PDE11A: variants seen among roughly 807,000 people sequenced by gnomAD.
PDE11A encodes phosphodiesterase 11A.
In PDE11A, 100 loss-of-function variants were observed where a neutral mutation model predicts 100.5. The ratio of observed to expected loss-of-function variants is 1.00; its 90% CI spans 0.85 to 1.18. The LOEUF is 1.18. PDE11A is among the 50% of genes most tolerant of loss of function. The pLI is 0.00. For missense variants in PDE11A, 1,141 were observed against 1,152.6 expected, an observed-to-expected ratio of 0.99 and a Z score of 0.15; for synonymous variants, 381 against 420.8, an observed-to-expected ratio of 0.91 and a Z score of 1.16.
chr2:177,707,566 T>G (rs1300440405), intron 13 of PDE11A, among the ~76,000 whole-genome samples: 1 of 152,230 alleles, frequency 6.6e-6, no homozygotes, highest in Non-Finnish European at 1.5e-5. Context: ...CTTTGTAGAC[T>G]GGTTTTCTTG....
intron 1 of PDE11A, among the ~76,000 whole-genome samples, chr2:178,066,779 G>A (rs531432327): frequency 5.3e-5 from 8 of 152,144 alleles, no homozygotes; most frequent in East Asian, 1.9e-4. Context: ...GCAATTCAGC[G>A]GGGGCCCCTT....
chr2:178,072,850 G>C (rs1391631198), upstream of PDE11A: 1 of 1,160,700 alleles, frequency 8.6e-7, no homozygotes, highest in Non-Finnish European at 1.1e-6. Context: ...CCTGGAGGGA[G>C]GAGAGAAGAG....
At chr2:177,870,812 G>A (rs78003658) in intron 5 of PDE11A, among the ~76,000 whole-genome samples, 2 of 152,156 alleles carry the variant, frequency 1.3e-5, no homozygotes, top group African/African-American at 4.8e-5. Context: ...CTCAAAAATA[G>A]TGTCATGTTG....
rs2080751666 is a variant in PDE11A at position 177,675,267 on chromosome 2, A to AG, written c.2487+187_2487+188insC. ...ATTGCTTAGTGAAAGCACGATAAAA[A>AG]AAAAAAAAAAGGGCTGTGCAATAAA... On this transcript the variant is annotated intron_variant, in intron 17 of 19. Coordinates refer to ENST00000286063, the MANE Select transcript of PDE11A (RefSeq NM_016953.4). Among the ~76,000 whole-genome samples, 3 of 151,822 alleles carry AG rather than the reference A, an allele frequency of 2.0e-5. 1 individual carries two copies. Among genetic ancestry groups the AG allele is most frequent in the Admixed American group, 2.0e-4 (3 of 15,232 alleles).
intron 2 of PDE11A, among the ~76,000 whole-genome samples, chr2:178,097,575 A>G (rs1407449920): frequency 6.6e-6 from 1 of 152,186 alleles, no homozygotes; most frequent in Non-Finnish European, 1.5e-5. Flanking sequence ...TATGGGGATT[A>G]TAATTTGAGA....
chr2:178,076,666 T>C (rs2087211140), upstream of PDE11A, among the ~76,000 whole-genome samples: 1 of 152,256 alleles, frequency 6.6e-6, no homozygotes, highest in Non-Finnish European at 1.5e-5. Flanking sequence ...CTGACTTTTA[T>C]TGTGTGACCA....
At position 177,625,072 on chromosome 2, in the gene PDE11A, A is replaced by T. The variant is rs2079813304; in HGVS notation, c.*4335T>A. 6.5e-6 allele frequency: 1 copy of T among 152,672 alleles called. No homozygotes were observed. Among genetic ancestry groups the T allele is most frequent in the African/African-American group, 2.4e-5 (1 of 41,440 alleles). 9.5% of individuals were successfully genotyped at this position (152,672 alleles called of 1,614,324 possible). ...GTGACAGAGCAAGACCCTGTCTCAAAAAAAGGACATATCTTTTTTTAAATT... is the reference window on the plus strand; with the variant it reads ...GTGACAGAGCAAGACCCTGTCTCAATAAAAGGACATATCTTTTTTTAAATT... On this transcript the variant is annotated 3_prime_UTR_variant, in exon 20 of 20. Coordinates refer to ENST00000286063, the MANE Select transcript of PDE11A (RefSeq NM_016953.4).
chr2:177,888,686 T>C (rs2084480142), intron 4 of PDE11A: 2 of 977,080 alleles, frequency 2.0e-6, no homozygotes, highest in Non-Finnish European at 2.4e-6. Context: ...AGTTCAGTTC[T>C]CAGGATTGTA....
intron 12 of PDE11A, among the ~76,000 whole-genome samples, chr2:177,714,605 A>G (rs555412655): frequency 6.6e-6 from 1 of 152,246 alleles, no homozygotes; most frequent in South Asian, 2.1e-4. Context: ...GCAGCGGGTG[A>G]GTTTATGGTC....
intron 9 of PDE11A, among the ~76,000 whole-genome samples, chr2:177,815,500 C>T (rs1467810053): frequency 1.3e-5 from 2 of 152,096 alleles, no homozygotes; most frequent in Non-Finnish European, 2.9e-5. Flanking sequence ...ATAAACGAAG[C>T]AGGGCTGTCT....
intron 10 of PDE11A, among the ~76,000 whole-genome samples, chr2:177,756,477 T>C (rs540817932): frequency 6.6e-6 from 1 of 152,042 alleles, no homozygotes; most frequent in East Asian, 1.9e-4. Flanking sequence ...AGGGGAAGAG[T>C]AAAAAGTGGT....
chr2:177,939,373 AAGGG>A (rs201889323), intron 2 of PDE11A, among the ~76,000 whole-genome samples: 3 of 139,012 alleles, frequency 2.2e-5, no homozygotes, highest in African/African-American at 8.0e-5. Flanking sequence ...GAGAGTGAGG[AAGGG>A]AGGAAGGAAG....
chr2:177,744,184 T>G (rs1329789511), intron 10 of PDE11A, among the ~76,000 whole-genome samples: 2 of 151,972 alleles, frequency 1.3e-5, no homozygotes, highest in African/African-American at 4.8e-5. Flanking sequence ...GGGAAGGGAA[T>G]AAAGGGATGT....
rs111708910 is a variant in PDE11A at position 177,820,290 on chromosome 2, G to C, written c.1506C>G (p.Asp502Glu). The C allele has an allele frequency of 1.9e-6, 3 of 1,560,688 alleles. No homozygotes were observed. Among genetic ancestry groups the C allele is most frequent in the East Asian group, 2.2e-5 (1 of 44,504 alleles). Reference protein sequence around the residue: ...YQDPRFDAEADQISGFHIRSV... With the variant: ...YQDPRFDAEAEQISGFHIRSV... ...ATCTTATGTGAAAACCAGATATCTG[G>C]TCTGCCTAGGAAACAAGAAAGAAGT... The change falls in exon 7 of 20, where the codon GAC becomes GAG. Residue 502 changes from aspartate to glutamate, a missense_variant. Transcript: ENST00000286063.
Position 177,693,194 on chromosome 2 carries a change from G to C in PDE11A, c.2345+4138C>G, listed in dbSNP as rs190338459. Among the ~76,000 whole-genome samples, 262 of 152,206 alleles carry C rather than the reference G, an allele frequency of 1.7e-3. 3 individuals are homozygous for C. Among genetic ancestry groups the C allele is most frequent in the African/African-American group, 6.1e-3 (255 of 41,514 alleles). ...TTGCTGCTACACGCAGTGCCTCAGC[G>C]GTCCTGCGGATCACATACTTTCTGC... On this transcript the variant is annotated intron_variant, in intron 15 of 19. Transcript: ENST00000286063.
chr2:177,858,016 A>G (rs1304470439), intron 5 of PDE11A, among the ~76,000 whole-genome samples: 3 of 152,166 alleles, frequency 2.0e-5, no homozygotes, highest in Non-Finnish European at 4.4e-5. Flanking sequence ...CCTATTTAAT[A>G]AATGGTGCTG....
chr2:178,028,986 G>A (rs1302504485), intron 1 of PDE11A, among the ~76,000 whole-genome samples: 3 of 152,148 alleles, frequency 2.0e-5, no homozygotes, highest in Non-Finnish European at 1.5e-5. Context: ...AAGACTCCTA[G>A]ATACTCCTTC....
chr2:178,001,165 A>C (rs2105817858), intron 2 of PDE11A, among the ~76,000 whole-genome samples: 1 of 152,290 alleles, frequency 6.6e-6, no homozygotes, highest in South Asian at 2.1e-4. Context: ...TACACTCTTA[A>C]ATGTTTCCAT....
intron 10 of PDE11A, among the ~76,000 whole-genome samples, chr2:177,731,411 G>A (rs1172171121): frequency 1.3e-5 from 2 of 152,174 alleles, no homozygotes; most frequent in African/African-American, 4.8e-5. Flanking sequence ...GTGTCTTTGT[G>A]TCTTTACTCT....
Sources: gnomAD v4.1 joint callset for allele counts (sites outside exome capture counted in the v4.1 genomes callset) on GRCh38, gnomAD v4.1.1 for gene constraint, MANE v1.5 for transcripts, NCBI Gene and HGNC (gene_info 2026-07-23, HGNC 2026-07-21) for gene names.